The following SLC44A5 variants were observed in gnomAD, a reference collection of about 807,000 sequenced individuals.
SLC44A5 encodes choline transporter-like protein 5.
In SLC44A5, 57 loss-of-function variants were observed where a neutral mutation model predicts 101.8. That is an observed-to-expected ratio of 0.56 (90% CI 0.45 to 0.70). The LOEUF (loss-of-function observed/expected upper bound fraction) is 0.70, where lower values mean the gene tolerates loss of function less well. Among genes scored for constraint, SLC44A5 ranks in the 30% least tolerant of loss-of-function variants. The pLI, the probability that SLC44A5 is intolerant of heterozygous loss-of-function variation, is 0.00. For synonymous variants in SLC44A5, 281 were observed against 290.9 expected, an observed-to-expected ratio of 0.97 and a Z score of 0.35; for missense variants, 737 against 853.1, an observed-to-expected ratio of 0.86 and a Z score of 1.70.
intron 1 of SLC44A5, among the ~76,000 whole-genome samples, chr1:75,596,986 G>T (rs986555045): frequency 2.0e-5 from 3 of 152,006 alleles, no homozygotes; most frequent in Non-Finnish European, 4.4e-5. Flanking sequence ...AGGCATTCAA[G>T]ACCAGCCTGG....
chr1:75,635,934 T>A, the SLC44A5 span, among the ~76,000 whole-genome samples: 1 of 152,084 alleles, frequency 6.6e-6, no homozygotes, highest in Non-Finnish European at 1.5e-5. Context: ...TTGTTTAAAT[T>A]TATGGGGTAC....
chr1:75,364,010 G>A (rs140756057), intron 3 of SLC44A5, among the ~76,000 whole-genome samples: 2 of 152,044 alleles, frequency 1.3e-5, no homozygotes, highest in Non-Finnish European at 2.9e-5. Context: ...TGTCTGCAGC[G>A]CTTTTGCTAA....
At chr1:75,507,170 T>C (rs887506920) in intron 2 of SLC44A5, among the ~76,000 whole-genome samples, 1 of 152,168 alleles carries the variant, frequency 6.6e-6, no homozygotes, top group Admixed American at 6.5e-5. Context: ...TTCAGTATGA[T>C]GTTGGCAATG....
At chr1:75,688,843 G>A in the SLC44A5 span, among the ~76,000 whole-genome samples, 1 of 152,122 alleles carries the variant, frequency 6.6e-6, no homozygotes, top group Non-Finnish European at 1.5e-5. Context: ...CAGTCTCCTT[G>A]TAATACTCCT....
At chr1:75,221,253 A>G (rs1647073446) in intron 14 of SLC44A5, among the ~76,000 whole-genome samples, 1 of 152,206 alleles carries the variant, frequency 6.6e-6, no homozygotes, top group African/African-American at 2.4e-5. Context: ...TGTTAAAAAT[A>G]ATTTGGTTCT....
chr1:75,314,269 T>C (rs999502099), intron 4 of SLC44A5, among the ~76,000 whole-genome samples: 6 of 152,162 alleles, frequency 3.9e-5, no homozygotes, highest in Non-Finnish European at 7.4e-5. Context: ...CTTAGAGAAT[T>C]TACCTCAACT....
At chr1:75,684,044 C>T in the SLC44A5 span, among the ~76,000 whole-genome samples, 1 of 152,016 alleles carries the variant, frequency 6.6e-6, no homozygotes. Context: ...GCTGGGAAGA[C>T]CTCACAATTA....
At chr1:75,641,067 A>G in the SLC44A5 span, among the ~76,000 whole-genome samples, 1 of 152,154 alleles carries the variant, frequency 6.6e-6, no homozygotes, top group South Asian at 2.1e-4. Context: ...AAAAGGACAT[A>G]ATAAAATACA....
At chr1:75,476,423 G>A (rs1465213883) in intron 2 of SLC44A5, among the ~76,000 whole-genome samples, 9 of 152,132 alleles carry the variant, frequency 5.9e-5, no homozygotes, top group East Asian at 1.9e-4. Context: ...GCAGCGCACC[G>A]TGCACGAGCC....
intron 1 of SLC44A5, among the ~76,000 whole-genome samples, chr1:75,547,891 CAT>C: frequency 6.6e-6 from 1 of 152,204 alleles, no homozygotes; most frequent in Non-Finnish European, 1.5e-5. Context: ...AAAAGAAACC[CAT>C]TTTTCTTCAG....
At chr1:75,722,589 G>A in the SLC44A5 span, among the ~76,000 whole-genome samples, 1 of 152,158 alleles carries the variant, frequency 6.6e-6, no homozygotes, top group African/African-American at 2.4e-5. Context: ...GATCAATTAA[G>A]CAGCTGACCA....
intron 2 of SLC44A5, among the ~76,000 whole-genome samples, chr1:75,514,403 G>A (rs1490325356): frequency 2.0e-5 from 3 of 152,082 alleles, no homozygotes; most frequent in Non-Finnish European, 4.4e-5. Flanking sequence ...GAGTCAGTGC[G>A]GTCATCATGT....
At chr1:75,238,869 A>G (rs562806182) in intron 9 of SLC44A5, among the ~76,000 whole-genome samples, 2 of 152,214 alleles carry the variant, frequency 1.3e-5, no homozygotes, top group African/African-American at 4.8e-5. Flanking sequence ...ATTATTTTAC[A>G]TCTGGTATAT....
intron 5 of SLC44A5, among the ~76,000 whole-genome samples, chr1:75,280,807 G>A (rs145932577): frequency 6.6e-6 from 1 of 151,898 alleles, no homozygotes; most frequent in Admixed American, 6.6e-5. Context: ...AGATGTGTTT[G>A]CTTCTCCTTC....
In SLC44A5 at chr1:75,339,467, T is replaced by C. The variant is rs1657700021; in HGVS notation, c.101+115A>G. The C allele has an allele frequency of 1.3e-5, 10 of 747,780 alleles. No individual in the cohort carries two copies. In the East Asian group the frequency reaches 2.4e-4, roughly 18 times the overall value. The allele number at this position is 747,780 out of a possible 1,614,324, so 46.3% of individuals were successfully genotyped here. A position where few individuals can be genotyped will look rare whatever the true frequency, so the allele number is the denominator to read the frequency against. On this transcript the variant is annotated intron_variant, in intron 4 of 23. Coordinates refer to ENST00000370859, the MANE Select transcript of SLC44A5 (RefSeq NM_001130058.2). ...TGACATTTAGGCAGAAATATATCAT[T>C]TTCCCCTCACAGTAGACACAATTCT... is the stretch of plus-strand genomic sequence containing the variant.
intron 2 of SLC44A5, among the ~76,000 whole-genome samples, chr1:75,515,829 C>A (rs1669797561): frequency 6.6e-6 from 1 of 151,912 alleles, no homozygotes; most frequent in South Asian, 2.1e-4. Flanking sequence ...TGCTGAAGAA[C>A]CTCTATAGAA....
At chr1:75,315,316 A>G (rs1030552244) in intron 4 of SLC44A5, among the ~76,000 whole-genome samples, 7 of 152,202 alleles carry the variant, frequency 4.6e-5, no homozygotes, top group Non-Finnish European at 7.3e-5. Flanking sequence ...ATAAGTTTGC[A>G]CCAGTCTATA....
At position 75,483,812 on chromosome 1, in the gene SLC44A5, T is replaced by C. The variant is rs777346755; in HGVS notation, c.13+57623A>G. 2.5e-4 allele frequency among the ~76,000 whole-genome samples: 38 copies of C among 152,130 alleles called. 1 individual carries two copies. The highest frequency in any genetic ancestry group is 4.6e-4 in the Non-Finnish European group (31 of 68,014). On this transcript the variant is annotated intron_variant, in intron 2 of 23. Coordinates refer to ENST00000370859, the MANE Select transcript of SLC44A5 (RefSeq NM_001130058.2). ...GAGGTTTAATTGAATCACAGTTCCA[T>C]ATGGCTGGGGAGGCATCAGGAAAAT...
At chr1:75,243,216 A>G (rs1648804569) in intron 7 of SLC44A5, among the ~76,000 whole-genome samples, 1 of 151,906 alleles carries the variant, frequency 6.6e-6, no homozygotes, top group Admixed American at 6.6e-5. Flanking sequence ...GGCTCACTGC[A>G]GCCTCAACCT....
Sources: gnomAD v4.1 joint callset for allele counts (sites outside exome capture counted in the v4.1 genomes callset) on GRCh38, gnomAD v4.1.1 for gene constraint, MANE v1.5 for transcripts, NCBI Gene and HGNC (gene_info 2026-07-23, HGNC 2026-07-21) for gene names.